Variants in GADL1 observed in about 807,000 individuals in gnomAD.
GADL1 encodes the protein acidic amino acid decarboxylase GADL1.
A neutral mutation model predicts 69.5 loss-of-function variants in GADL1; 71 were observed. That is an observed-to-expected ratio of 1.02 (90% confidence interval 0.84 to 1.25). GADL1 has a LOEUF of 1.25. Among genes scored for constraint, GADL1 ranks in the 50% most tolerant of loss-of-function variants. The pLI is 0.00. For synonymous variants in GADL1, 254 were observed against 214.4 expected (o/e 1.18, Z -1.62); for missense variants, 737 against 631.8 (o/e 1.17, Z -1.79).
intron 12 of GADL1, among the ~76,000 whole-genome samples, chr3:30,792,207 TA>T (rs1378815812): frequency 1.1e-4 from 16 of 152,212 alleles, no homozygotes; most frequent in Admixed American, 8.5e-4. Flanking sequence ...GTTTTCCACA[TA>T]AAAAGTCCCA....
intron 11 of GADL1, among the ~76,000 whole-genome samples, chr3:30,810,556 G>A (rs1012704125): frequency 6.6e-6 from 1 of 152,064 alleles, no homozygotes; most frequent in Non-Finnish European, 1.5e-5. Flanking sequence ...CGTTTTTGTG[G>A]TGGTTCAAAA....
chr3:30,761,994 AAG>A (rs1158090857), intron 14 of GADL1, among the ~76,000 whole-genome samples: 1 of 152,200 alleles, frequency 6.6e-6, no homozygotes, highest in Non-Finnish European at 1.5e-5. Flanking sequence ...CAAGGCACAA[AAG>A]AGCCGAGACA....
chr3:30,894,453 T>C (rs1698829960), intron 1 of GADL1, 125 bp downstream of exon 1: 1 of 673,662 alleles, frequency 1.5e-6, no homozygotes. Flanking sequence ...ATGGGGACTT[T>C]CTACCCACCC....
intron 1 of GADL1, among the ~76,000 whole-genome samples, chr3:30,894,203 A>T (rs1698821768): frequency 6.6e-6 from 1 of 152,194 alleles, no homozygotes; most frequent in Non-Finnish European, 1.5e-5. Flanking sequence ...GAAAGGACTG[A>T]GATGATGCTG....
chr3:30,800,997 G>C lies in GADL1; in HGVS notation c.1142C>G (p.Ser381Cys), dbSNP rs759000140. 1 of 1,613,554 alleles carries C rather than the reference G, an allele frequency of 6.2e-7. No individual in the cohort carries two copies. Among genetic ancestry groups the C allele is most frequent in the East Asian group, 2.2e-5 (1 of 44,860 alleles). Residue 381 changes from serine to cysteine, a missense_variant, in exon 12 of 15, where the codon TCT (serine) becomes TGT (cysteine). By Grantham distance (112) the Ser-to-Cys change is moderately radical. Coordinates refer to ENST00000282538, the MANE Select transcript of GADL1 (RefSeq NM_207359.3). ...YDVSYDTGDK[S>C]IQCSRRPDAF... ...ATCTGGTCTTCTGCTACACTGGATA[G>C]ACTTGTCTCCTGTGTCATAGCTCAC...
intron 11 of GADL1, among the ~76,000 whole-genome samples, chr3:30,808,490 T>C (rs946337130): frequency 8.6e-6 from 1 of 116,908 alleles, no homozygotes; most frequent in Non-Finnish European, 1.6e-5. Context: ...AGAGCAGGAC[T>C]CTATCTCAAA....
In GADL1 at chr3:30,726,818, C is replaced by T. The variant is rs1295724498; in HGVS notation, c.*1424G>A. ...GTCAATTTCTTAGTTAAACAAAACT[C>T]TCCTAGAAACCTAGGACCAGGGTCA... On this transcript the variant is annotated 3_prime_UTR_variant, in exon 15 of 15. Coordinates refer to ENST00000282538, the MANE Select transcript of GADL1 (RefSeq NM_207359.3). The T allele has an allele frequency of 6.6e-6, 1 of 152,420 alleles. No individual in the cohort carries two copies. Among genetic ancestry groups the T allele is most frequent in the Non-Finnish European group, 1.5e-5 (1 of 68,026 alleles). 9.4% of individuals were successfully genotyped at this position (152,420 alleles called of 1,614,324 possible). A position where few individuals can be genotyped will look rare whatever the true frequency, so the allele number is the denominator to read the frequency against.
intron 14 of GADL1, among the ~76,000 whole-genome samples, chr3:30,748,710 A>G (rs1271790622): frequency 2.0e-5 from 3 of 152,238 alleles, no homozygotes; most frequent in East Asian, 1.9e-4. Flanking sequence ...GCTGCACACA[A>G]AAAACATTCA....
intron 14 of GADL1, among the ~76,000 whole-genome samples, chr3:30,733,635 T>C (rs1575177374): frequency 1.4e-5 from 2 of 144,158 alleles, no homozygotes; most frequent in East Asian, 2.1e-4. Flanking sequence ...CTTCCTTCCT[T>C]CCTCCTTCCC....
chr3:30,741,037 T>TATTATATAATAG (rs1483850537), intron 14 of GADL1, among the ~76,000 whole-genome samples: 1 of 130,476 alleles, frequency 7.7e-6, no homozygotes, highest in East Asian at 2.2e-4. Context: ...TTATATAATA[T>TATTATATAATAG]ATATTTGATA....
intron 3 of GADL1, 28 bp downstream of exon 3, chr3:30,856,987 G>C (rs1291943847): frequency 2.6e-6 from 4 of 1,534,542 alleles, no homozygotes; most frequent in Non-Finnish European, 3.5e-6. Context: ...CAGAGGTACA[G>C]ATCAAGGAAG....
In GADL1 at chr3:30,806,071, A is replaced by AGG. The variant is rs575867863; in HGVS notation, c.1051-4985_1051-4984dup. Among the ~76,000 whole-genome samples, 294 of 152,012 alleles carry AGG rather than the reference A, an allele frequency of 1.9e-3. 1 individual carries two copies. Among genetic ancestry groups the AGG allele is most frequent in the African/African-American group, 7.0e-3 (290 of 41,418 alleles). ...GGTACAGGTCTGTGGCCTGGGTGGGAGGATCCTTGCTGTCCACAACAACAA... is the reference window on the plus strand; with the variant it reads ...GGTACAGGTCTGTGGCCTGGGTGGGAGGGGATCCTTGCTGTCCACAACAACAA... On this transcript the variant is annotated intron_variant, in intron 11 of 14. Coordinates refer to ENST00000282538, the MANE Select transcript of GADL1 (RefSeq NM_207359.3).
intron 6 of GADL1, among the ~76,000 whole-genome samples, chr3:30,848,595 C>A (rs1414442165): frequency 1.3e-5 from 2 of 151,984 alleles, no homozygotes; most frequent in Non-Finnish European, 2.9e-5. Context: ...TGCCAAGAAC[C>A]TGGGTGATGA....
chr3:30,763,419 C>CA (rs61339736), intron 14 of GADL1, among the ~76,000 whole-genome samples: 65,512 of 148,974 alleles, frequency 0.44, 14,385 homozygotes, highest in African/African-American at 0.46. Context: ...AGGAGAATGG[C>CA]TGAACCCGGG....
rs547467749 is a variant in GADL1 at position 30,743,548 on chromosome 3, G to C, written c.1393-15133C>G. 3.9e-5 allele frequency among the ~76,000 whole-genome samples: 6 copies of C among 152,236 alleles called. No homozygotes were observed. In the East Asian group the frequency reaches 7.7e-4, roughly 20 times the overall value. On this transcript the variant is annotated intron_variant, in intron 14 of 14. Transcript: ENST00000282538. Reference sequence around the variant, plus strand: ...ACACGTATGGAAGACAAGGAAAGTGGGTTGCTAGAACAAAACACAGAACAA... The same window carrying C: ...ACACGTATGGAAGACAAGGAAAGTGCGTTGCTAGAACAAAACACAGAACAA...
chr3:30,790,876 T>G (rs975841584), intron 12 of GADL1, among the ~76,000 whole-genome samples: 1 of 152,120 alleles, frequency 6.6e-6, no homozygotes, highest in African/African-American at 2.4e-5. Flanking sequence ...CAACATAATG[T>G]AATATGCAGC....
chr3:30,785,030 G>A (rs1027036069), intron 13 of GADL1, among the ~76,000 whole-genome samples: 2 of 151,970 alleles, frequency 1.3e-5, no homozygotes, highest in Non-Finnish European at 2.9e-5. Context: ...TCTTTATTCA[G>A]GTCTCAGCTC....
chr3:30,847,885 C>A (rs867098757), intron 6 of GADL1, among the ~76,000 whole-genome samples: 1 of 152,124 alleles, frequency 6.6e-6, no homozygotes, highest in Non-Finnish European at 1.5e-5. Flanking sequence ...CTTTCCCAGG[C>A]GTAATCTCTG....
rs1559483983 is a variant in GADL1 at position 30,740,957 on chromosome 3, T to TTATTATATATTATATATTAATATG, written c.1393-12543_1393-12542insCATATTAATATATAATATATAATA. ...ATTATATTTGATATATCAAATATATTTATTATATATTATATATTAATATAT... is the reference window on the plus strand; with the variant it reads ...ATTATATTTGATATATCAAATATATTTATTATATATTATATATTAATATGTATTATATATTATATATTAATATAT... On this transcript the variant is annotated intron_variant, in intron 14 of 14. Coordinates refer to ENST00000282538, the MANE Select transcript of GADL1 (RefSeq NM_207359.3). Among the ~76,000 whole-genome samples, 250 of 124,154 alleles carry TTATTATATATTATATATTAATATG rather than the reference T, an allele frequency of 2.0e-3. 2 individuals are homozygous for TTATTATATATTATATATTAATATG. Among genetic ancestry groups the TTATTATATATTATATATTAATATG allele is most frequent in the African/African-American group, 9.1e-3 (233 of 25,520 alleles). The allele number at this position is 124,154 out of a possible 152,430, so 81.4% of individuals were successfully genotyped here. A position where few individuals can be genotyped will look rare whatever the true frequency, so the allele number is the denominator to read the frequency against.
Sources: gnomAD v4.1 joint callset for allele counts (sites outside exome capture counted in the v4.1 genomes callset) on GRCh38, gnomAD v4.1.1 for gene constraint, MANE v1.5 for transcripts, NCBI Gene and HGNC (gene_info 2026-07-23, HGNC 2026-07-21) for gene names.